Variants in EFHC2 observed in about 807,000 individuals in gnomAD.
EFHC2 encodes the protein EF-hand domain containing 2.
EFHC2 carries 18 observed loss-of-function variants against 52.7 expected under a neutral mutation model. The observed-to-expected ratio is 0.34, with a 90% CI of 0.24 to 0.51. The LOEUF is 0.51. Among genes scored for constraint, EFHC2 ranks in the 20% least tolerant of loss-of-function variants. EFHC2 has a pLI of 0.97. For synonymous variants in EFHC2, 203 were observed against 204.1 expected (o/e 0.99, Z 0.04); for missense variants, 513 against 562.5 (o/e 0.91, Z 0.89).
intron 11 of EFHC2, among the ~76,000 whole-genome samples, chrX:44,209,561 A>G (rs72627384): frequency 0.23 from 25,563 of 109,958 alleles, 2,252 homozygotes; most frequent in Middle Eastern, 0.29. Context: ...ATTTTAAAAC[A>G]TTATATTTAT....
chrX:44,184,159 GCTT>G (rs776141848), intron 11 of EFHC2, among the ~76,000 whole-genome samples: 167 of 111,868 alleles, frequency 1.5e-3, no homozygotes, highest in Non-Finnish European at 2.7e-3. Context: ...CCTCATGATG[GCTT>G]ACAAGGCCTG....
At chrX:44,235,114 C>G (rs2037308770) in intron 9 of EFHC2, among the ~76,000 whole-genome samples, 191 bp downstream of exon 9, 1 of 111,089 alleles carries the variant, frequency 9.0e-6, no homozygotes, top group African/African-American at 3.3e-5. Context: ...TGTTCCACTT[C>G]TATCATTTTA....
chrX:44,286,177 C>A, intron 2 of EFHC2: 1 of 117,236 alleles, frequency 8.5e-6, no homozygotes, highest in South Asian at 2.9e-4. Context: ...TTGCCAGAAT[C>A]AAAGGTGTGT....
At chrX:44,185,928 T>C (rs1205794855) in intron 11 of EFHC2, among the ~76,000 whole-genome samples, 1 of 112,209 alleles carries the variant, frequency 8.9e-6, no homozygotes, top group African/African-American at 3.2e-5. Flanking sequence ...ATATATTTTC[T>C]CAAAAAGAAG....
chrX:44,244,524 T>C (rs1380080944), intron 7 of EFHC2, among the ~76,000 whole-genome samples: 3 of 112,660 alleles, frequency 2.7e-5, no homozygotes, highest in African/African-American at 9.7e-5. Context: ...GAGACAGATA[T>C]GTCTTTTAAT....
At chrX:44,248,136 C>T (rs1041513721) in intron 7 of EFHC2, 136 bp downstream of exon 7, 14 of 525,925 alleles carry the variant, frequency 2.7e-5, no homozygotes, top group African/African-American at 9.6e-5. Context: ...AGACAACAAA[C>T]GGCTGGAAGA....
chrX:44,282,645 GGTGGGGGGGT>G (rs2037713697), intron 2 of EFHC2, among the ~76,000 whole-genome samples: 2 of 17,884 alleles, frequency 1.1e-4, no homozygotes, highest in African/African-American at 2.2e-4. Flanking sequence ...GGTGGGGGGG[GGTGGGGGGGT>G]GGGAGAGGAG....
At chrX:44,284,063 G>A (rs1396535739) in intron 2 of EFHC2, 1 of 111,724 alleles carries the variant, frequency 9.0e-6, no homozygotes, top group Admixed American at 9.4e-5. Flanking sequence ...GAAGGGGAGA[G>A]AGGCCCCAAA....
At chrX:44,187,415 A>C (rs756178961) in intron 11 of EFHC2, among the ~76,000 whole-genome samples, 86 of 110,238 alleles carry the variant, frequency 7.8e-4, no homozygotes, top group Non-Finnish European at 8.9e-4. Flanking sequence ...CTGAAACCAA[A>C]ATGCTAAACC....
chrX:44,220,053 T>C (rs969918043), intron 11 of EFHC2, among the ~76,000 whole-genome samples: 1 of 111,807 alleles, frequency 8.9e-6, no homozygotes, highest in Admixed American at 9.5e-5. Context: ...TTGCTCATTG[T>C]AAAAAAAAGT....
Position 44,272,727 on chromosome X carries a change from T to A in EFHC2, c.341A>T (p.Gln114Leu). 1 of 1,170,178 alleles carries A rather than the reference T, an allele frequency of 8.5e-7. No homozygotes were observed. Among genetic ancestry groups the A allele is most frequent in the Non-Finnish European group, 1.1e-6 (1 of 873,932 alleles). ...IYFYPEDDTI[Q>L]VNEPEVKNSG... The stretch of plus-strand genomic sequence containing the variant: ...ATTTTTCACCTCTGGTTCATTTACT[T>A]GAATTGTGTCATCTTCAGGGTAGAA... Residue 114 changes from glutamine (Q) to leucine (L), a missense_variant, in exon 3 of 15, where the codon CAA becomes CTA. Gln to Leu is a moderately radical substitution (Grantham distance 113). Coordinates refer to ENST00000420999, the MANE Select transcript of EFHC2 (RefSeq NM_025184.4).
chrX:44,168,260 T>C (rs374687916), intron 13 of EFHC2, among the ~76,000 whole-genome samples: 1 of 111,617 alleles, frequency 9.0e-6, no homozygotes, highest in African/African-American at 3.3e-5. Context: ...TGTCCGGGCG[T>C]GGTGGCTCAC....
At chrX:44,241,448 A>G (rs2037358065) in intron 8 of EFHC2, among the ~76,000 whole-genome samples, 1 of 112,188 alleles carries the variant, frequency 8.9e-6, no homozygotes, top group Non-Finnish European at 1.9e-5. Context: ...TAATCACCAA[A>G]TAACACTTTT....
At chrX:44,157,750 C>CCCGCCA (rs11282724) in intron 14 of EFHC2, among the ~76,000 whole-genome samples, 35,966 of 91,916 alleles carry the variant, frequency 0.39, 5,900 homozygotes, top group African/African-American at 0.55. Flanking sequence ...CCCTCCCCGC[C>CCCGCCA]CCGCTTGGTT....
rs1294148431 is a variant in EFHC2, at chrX:44,294,251, TGTG to T, written c.231+18314_231+18316del. 2.1e-4 allele frequency among the ~76,000 whole-genome samples: 7 copies of T among 33,556 alleles called. No homozygotes were observed. The Admixed American group carries it at 2.5e-3, about 12-fold the overall frequency. The allele number at this position is 33,556 out of a possible 115,157, so 29.1% of individuals were successfully genotyped here. ...GTTTTCAGATTTGGTATACTCAACG[TGTG>T]TGTGTGTGTGTGTGTGTGTGTGTGT... On this transcript the variant is annotated intron_variant, in intron 2 of 14. Coordinates refer to ENST00000420999, the MANE Select transcript of EFHC2 (RefSeq NM_025184.4).
At chrX:44,231,075 C>T (rs1410240361) in intron 10 of EFHC2, among the ~76,000 whole-genome samples, 2 of 112,004 alleles carry the variant, frequency 1.8e-5, no homozygotes, top group Non-Finnish European at 3.8e-5. Context: ...TCAGTGTTTT[C>T]GAATAGCTAC....
intron 2 of EFHC2, among the ~76,000 whole-genome samples, chrX:44,295,934 A>T (rs969073590): frequency 8.9e-6 from 1 of 111,807 alleles, no homozygotes; most frequent in Non-Finnish European, 1.9e-5. Context: ...ATCTTCACTT[A>T]GACCTCCAAG....
intron 2 of EFHC2, among the ~76,000 whole-genome samples, chrX:44,300,232 C>T: frequency 9.0e-6 from 1 of 111,590 alleles, no homozygotes; most frequent in Non-Finnish European, 1.9e-5. Flanking sequence ...TAGTGACTAT[C>T]AGTTTCTTCC....
rs2037432238 is a variant in EFHC2, at chrX:44,250,274, T to C, written c.778A>G (p.Ile260Val). 8 of 1,209,402 alleles carry C rather than the reference T, an allele frequency of 6.6e-6. No homozygotes were observed. The highest frequency in any genetic ancestry group is 8.9e-6 in the Non-Finnish European group (8 of 894,886). The change falls in exon 5 of 15, where the codon ATT becomes GTT. Residue 260 changes from isoleucine (I) to valine (V), a missense_variant. By Grantham distance (29) the Ile-to-Val change is conservative. Transcript: ENST00000420999. ...ILHYFLCDDT[I>V]EIKELLPHSS... is the part of the protein sequence containing the mutation. Reference sequence around the variant, plus strand: ...TGTGGAAGCAATTCTTTGATTTCAATAGTATCATCACACAAGAAGTAATGC... The same window carrying C: ...TGTGGAAGCAATTCTTTGATTTCAACAGTATCATCACACAAGAAGTAATGC...
Sources: gnomAD v4.1 joint callset for allele counts (sites outside exome capture counted in the v4.1 genomes callset) on GRCh38, gnomAD v4.1.1 for gene constraint, MANE v1.5 for transcripts, NCBI Gene and HGNC (gene_info 2026-07-23, HGNC 2026-07-21) for gene names.